Variants in EPHA6 observed in about 807,000 individuals in gnomAD.
The protein encoded by EPHA6 is ephrin type-A receptor 6.
In EPHA6, 50 loss-of-function variants were observed where a neutral mutation model predicts 112.0. That is an observed-to-expected ratio of 0.45 (90% CI 0.36 to 0.56). The LOEUF is 0.56. Among genes scored for constraint, EPHA6 ranks in the 20% least tolerant of loss-of-function variants. The pLI, the probability that EPHA6 is intolerant of heterozygous loss-of-function variation, is 0.00. For synonymous variants in EPHA6, 529 were observed against 490.7 expected (o/e 1.08, Z -1.03); for missense variants, 1,280 against 1,417.4 (o/e 0.90, Z 1.56).
rs116116342 is a variant in EPHA6, at chr3:97,023,769, G to A, written c.1114+35776G>A. ...GAAATAACTTATTTTCTCTGCTGAA[G>A]AGTTGTAAAATTCAATTATGCATAA... On this transcript the variant is annotated intron_variant, in intron 3 of 17. Coordinates refer to ENST00000389672, the MANE Select transcript of EPHA6 (RefSeq NM_001080448.3). Among the ~76,000 whole-genome samples, 839 of 151,982 alleles carry A rather than the reference G, an allele frequency of 5.5e-3. 7 individuals are homozygous for A. Among genetic ancestry groups the A allele is most frequent in the African/African-American group, 0.02 (815 of 41,458 alleles).
intron 11 of EPHA6, chr3:97,560,530 A>T (rs528292822): frequency 6.6e-5 from 10 of 152,080 alleles, no homozygotes; most frequent in Non-Finnish European, 1.5e-4. Context: ...GTATTGGACA[A>T]CACAAACATA....
intron 9 of EPHA6, chr3:97,481,205 A>G (rs1339499328): frequency 8.3e-7 from 1 of 1,207,874 alleles, no homozygotes; most frequent in African/African-American, 1.5e-5. Context: ...AGTACTGGAA[A>G]AGACAACCTT....
At chr3:97,254,653 T>G (rs577013828) in intron 5 of EPHA6, among the ~76,000 whole-genome samples, 103 of 152,324 alleles carry the variant, frequency 6.8e-4, no homozygotes, top group African/African-American at 2.3e-3. Flanking sequence ...AAAGAGAATG[T>G]AGAGTTCAGC....
At chr3:97,049,503 A>G (rs536633346) in intron 3 of EPHA6, among the ~76,000 whole-genome samples, 5 of 152,350 alleles carry the variant, frequency 3.3e-5, no homozygotes, top group African/African-American at 1.2e-4. Context: ...TAGCGCAGAT[A>G]GAGCTTTCGG....
At chr3:96,829,949 G>GCGCGCGCGCGCGCA (rs373416797) in intron 1 of EPHA6, among the ~76,000 whole-genome samples, 8 of 136,034 alleles carry the variant, frequency 5.9e-5, no homozygotes, top group African/African-American at 2.4e-4. Context: ...GCGCGCGCGC[G>GCGCGCGCGCGCGCA]CACACACACA....
chr3:97,466,159 C>G (rs1560038762), intron 7 of EPHA6: 1 of 632,080 alleles, frequency 1.6e-6, no homozygotes. Flanking sequence ...GAAAGGTAAG[C>G]ACATTTCCAC....
intron 6 of EPHA6, among the ~76,000 whole-genome samples, chr3:97,430,751 G>A (rs1702367721): frequency 6.6e-6 from 1 of 152,006 alleles, no homozygotes; most frequent in African/African-American, 2.4e-5. Flanking sequence ...GGTAATTTTT[G>A]TAATGCATTT....
chr3:97,688,810 G>A (rs1052585813), intron 14 of EPHA6, among the ~76,000 whole-genome samples: 4 of 151,496 alleles, frequency 2.6e-5, no homozygotes, highest in African/African-American at 9.7e-5. Context: ...AAACTAACTT[G>A]TGCTTAGCCT....
At chr3:96,817,067 T>G (rs1208130349) in intron 1 of EPHA6, among the ~76,000 whole-genome samples, 3 of 152,010 alleles carry the variant, frequency 2.0e-5, no homozygotes, top group Non-Finnish European at 4.4e-5. Context: ...GAATTTGTAT[T>G]GATATACCGA....
intron 11 of EPHA6, chr3:97,572,583 T>C (rs551320022): frequency 6.6e-5 from 10 of 152,326 alleles, no homozygotes; most frequent in African/African-American, 2.4e-4. Flanking sequence ...AGTATAATCA[T>C]AGTAAATGAT....
chr3:96,843,461 C>A (rs1483994782), intron 1 of EPHA6, among the ~76,000 whole-genome samples: 1 of 151,860 alleles, frequency 6.6e-6, no homozygotes, highest in African/African-American at 2.4e-5. Flanking sequence ...TTTACAGAAC[C>A]CTTTCTTTAA....
At chr3:97,170,519 C>T (rs2076669447) in intron 3 of EPHA6, among the ~76,000 whole-genome samples, 1 of 151,982 alleles carries the variant, frequency 6.6e-6, no homozygotes, top group Non-Finnish European at 1.5e-5. Context: ...GACAGACCAC[C>T]TGAGGTCAGG....
At chr3:97,375,803 G>A (rs1041600993) in intron 5 of EPHA6, among the ~76,000 whole-genome samples, 2 of 152,040 alleles carry the variant, frequency 1.3e-5, no homozygotes, top group Non-Finnish European at 2.9e-5. Context: ...AGTTTATTAG[G>A]CTGAAAGAAA....
intron 2 of EPHA6, among the ~76,000 whole-genome samples, chr3:96,985,056 C>T (rs1375823842): frequency 3.9e-5 from 6 of 152,154 alleles, no homozygotes; most frequent in Non-Finnish European, 7.3e-5. Flanking sequence ...CACCCACTGT[C>T]CTGCCCCCAC....
rs889681462 is a variant in EPHA6, at chr3:96,856,520, T to C, written c.386-10305T>C. Among the ~76,000 whole-genome samples the C allele has an allele frequency of 2.6e-5, 4 of 152,104 alleles. No individual in the cohort carries two copies. The East Asian group carries it at 5.8e-4, about 22-fold the overall frequency. On this transcript the variant is annotated intron_variant, in intron 1 of 17. Coordinates refer to ENST00000389672, the MANE Select transcript of EPHA6 (RefSeq NM_001080448.3). Reference sequence around the variant, plus strand: ...ACTAGGCCTTCTAAAATTTAGCCAATAAAGGATAGGCAATAACTATGGGAA... The same window carrying C: ...ACTAGGCCTTCTAAAATTTAGCCAACAAAGGATAGGCAATAACTATGGGAA...
intron 5 of EPHA6, among the ~76,000 whole-genome samples, chr3:97,252,437 G>A (rs368055697): frequency 5.1e-4 from 77 of 151,882 alleles, no homozygotes; most frequent in African/African-American, 1.6e-3. Context: ...ACACGCGCGC[G>A]CACGCACAGG....
At chr3:97,368,756 T>G (rs2084884115) in intron 5 of EPHA6, among the ~76,000 whole-genome samples, 2 of 152,230 alleles carry the variant, frequency 1.3e-5, no homozygotes. Context: ...TATCCATTTA[T>G]TATTTGTACA....
chr3:97,243,715 A>T (rs1228235350), intron 4 of EPHA6, among the ~76,000 whole-genome samples: 1 of 151,934 alleles, frequency 6.6e-6, no homozygotes, highest in Non-Finnish European at 1.5e-5. Flanking sequence ...TGATTTTTAT[A>T]TTAAATATTG....
At chr3:97,003,140 T>G (rs1483231375) in intron 3 of EPHA6, among the ~76,000 whole-genome samples, 1 of 152,090 alleles carries the variant, frequency 6.6e-6, no homozygotes, top group African/African-American at 2.4e-5. Flanking sequence ...AGAGTTTCAC[T>G]CTTGTCGCCC....
Sources: allele counts gnomAD v4.1 joint callset (sites outside exome capture counted in the v4.1 genomes callset), GRCh38; gene constraint gnomAD v4.1.1; transcripts MANE v1.5; gene names NCBI Gene and HGNC (gene_info 2026-07-23, HGNC 2026-07-21).